CDH18: variants seen among roughly 807,000 people sequenced by gnomAD.
The protein encoded by CDH18 is cadherin 18.
In CDH18, 31 loss-of-function variants were observed where a neutral mutation model predicts 67.9. The observed-to-expected ratio is 0.46, with a 90% CI of 0.34 to 0.62. The LOEUF (loss-of-function observed/expected upper bound fraction) is 0.62, where lower values mean the gene tolerates loss of function less well. Ranked by LOEUF, CDH18 falls within the 20% of genes least tolerant of loss-of-function variation. CDH18 has a pLI of 0.01. For missense variants in CDH18, 890 were observed against 975.5 expected (o/e 0.91, Z 1.17); for synonymous variants, 362 against 347.2 (o/e 1.04, Z -0.48).
intron 1 of CDH18, among the ~76,000 whole-genome samples, chr5:20,408,214 A>G (rs1330513130): frequency 6.6e-6 from 1 of 152,096 alleles, no homozygotes; most frequent in Non-Finnish European, 1.5e-5. Flanking sequence ...AAAAAAGGTG[A>G]GGGAGATCAT....
intron 1 of CDH18, among the ~76,000 whole-genome samples, chr5:20,565,476 C>G (rs1462566291): frequency 6.6e-6 from 1 of 152,086 alleles, no homozygotes; most frequent in African/African-American, 2.4e-5. Flanking sequence ...TCTGGAATCT[C>G]TCCATCTTCA....
intron 11 of CDH18, among the ~76,000 whole-genome samples, chr5:19,499,268 C>T (rs557513435): frequency 6.6e-6 from 1 of 152,140 alleles, no homozygotes; most frequent in Non-Finnish European, 1.5e-5. Flanking sequence ...ACAGTCTTTG[C>T]TTTCTATCTG....
intron 1 of CDH18, among the ~76,000 whole-genome samples, chr5:20,301,451 T>C (rs1268668444): frequency 6.6e-6 from 1 of 152,196 alleles, no homozygotes; most frequent in Non-Finnish European, 1.5e-5. Flanking sequence ...TGTTACTGGT[T>C]GAGAACATAC....
chr5:20,536,238 G>T, intron 1 of CDH18, among the ~76,000 whole-genome samples: 1 of 151,998 alleles, frequency 6.6e-6, no homozygotes, highest in South Asian at 2.1e-4. Flanking sequence ...TTGTTAACGT[G>T]AATTTTTTAT....
chr5:19,734,000 G>A (rs1179056228), intron 4 of CDH18, among the ~76,000 whole-genome samples: 1 of 152,206 alleles, frequency 6.6e-6, no homozygotes, highest in African/African-American at 2.4e-5. Flanking sequence ...TAGGTGGGGT[G>A]TTCCCTGCTG....
intron 1 of CDH18, among the ~76,000 whole-genome samples, chr5:20,457,383 A>G (rs1439759369): frequency 2.0e-5 from 3 of 152,202 alleles, no homozygotes; most frequent in Non-Finnish European, 4.4e-5. Flanking sequence ...GTGCTTTCAG[A>G]CTTACATATC....
chr5:20,312,529 G>A (rs923708534), intron 1 of CDH18, among the ~76,000 whole-genome samples: 1 of 152,054 alleles, frequency 6.6e-6, no homozygotes, highest in Non-Finnish European at 1.5e-5. Flanking sequence ...TCCTACAGAC[G>A]CCATGCAGCA....
chr5:20,458,974 T>TA (rs886656791), intron 1 of CDH18, among the ~76,000 whole-genome samples: 19 of 152,206 alleles, frequency 1.2e-4, no homozygotes, highest in African/African-American at 4.3e-4. Flanking sequence ...AGATTTATTC[T>TA]AAAAAAACCA....
At chr5:20,567,436 C>G (rs189592385) in intron 1 of CDH18, among the ~76,000 whole-genome samples, 251 of 151,066 alleles carry the variant, frequency 1.7e-3, no homozygotes, top group Non-Finnish European at 2.3e-3. Context: ...GGAGAAGGGG[C>G]CCCATGGAGC....
intron 1 of CDH18, among the ~76,000 whole-genome samples, chr5:20,452,727 A>G (rs1750547442): frequency 6.6e-6 from 1 of 152,068 alleles, no homozygotes. Flanking sequence ...TTACCTATAT[A>G]ACAAACTTGC....
intron 2 of CDH18, among the ~76,000 whole-genome samples, chr5:20,137,638 C>A (rs1749851982): frequency 6.6e-6 from 1 of 152,108 alleles, no homozygotes; most frequent in Non-Finnish European, 1.5e-5. Flanking sequence ...TGGCAAGGAG[C>A]TGCATTCCTC....
chr5:19,637,607 G>A (rs1380446792), intron 5 of CDH18, among the ~76,000 whole-genome samples: 1 of 152,058 alleles, frequency 6.6e-6, no homozygotes, highest in Non-Finnish European at 1.5e-5. Context: ...AGTCAATTTC[G>A]CTCGAATCCT....
intron 1 of CDH18, among the ~76,000 whole-genome samples, chr5:20,438,236 T>TTATA (rs143210484): frequency 0.028 from 4,099 of 146,962 alleles, 201 homozygotes; most frequent in African/African-American, 0.087. Flanking sequence ...TGCCCCCAAA[T>TTATA]TATATATATA....
At chr5:20,545,049 G>A (rs922395731) in intron 1 of CDH18, among the ~76,000 whole-genome samples, 7 of 152,216 alleles carry the variant, frequency 4.6e-5, no homozygotes, top group African/African-American at 9.6e-5. Context: ...CAGAACCCAT[G>A]CAAGTATGAA....
In CDH18 at chr5:20,421,396, G is replaced by A. The variant is rs1047472859; in HGVS notation, c.-580+154066C>T. Among the ~76,000 whole-genome samples the A allele has an allele frequency of 1.3e-5, 2 of 150,576 alleles. 1 individual carries two copies. The highest frequency in any genetic ancestry group is 5.0e-5 in the African/African-American group (2 of 40,018). Reference sequence around the variant, plus strand: ...TTTTTTTATGCTCTTTCAGATGGAGGGAAGCCTGAGAAAAGGGAATGAGAT... The same window carrying A: ...TTTTTTTATGCTCTTTCAGATGGAGAGAAGCCTGAGAAAAGGGAATGAGAT... On this transcript the variant is annotated intron_variant, in intron 1 of 14. Transcript: ENST00000507958.
intron 1 of CDH18, among the ~76,000 whole-genome samples, chr5:20,360,375 T>C (rs1330707099): frequency 2.0e-5 from 3 of 152,130 alleles, no homozygotes; most frequent in Non-Finnish European, 4.4e-5. Context: ...CTGAACATGT[T>C]TGAAGATTTA....
At chr5:19,590,217 C>G (rs572222012) in intron 7 of CDH18, among the ~76,000 whole-genome samples, 41 of 151,968 alleles carry the variant, frequency 2.7e-4, no homozygotes, top group African/African-American at 9.4e-4. Flanking sequence ...ATCCCCTTGA[C>G]CTAGGTTTGA....
At chr5:19,736,365 G>T (rs1192745069) in intron 4 of CDH18, among the ~76,000 whole-genome samples, 1 of 152,036 alleles carries the variant, frequency 6.6e-6, no homozygotes, top group Non-Finnish European at 1.5e-5. Flanking sequence ...GCTAGCCTGG[G>T]GGACTGTCTC....
chr5:20,001,818 C>A (rs1359009018), intron 2 of CDH18, among the ~76,000 whole-genome samples: 1 of 152,092 alleles, frequency 6.6e-6, no homozygotes, highest in Non-Finnish European at 1.5e-5. Flanking sequence ...GTTTTAAATT[C>A]ATTGTTCTGC....
Sources: gnomAD v4.1 joint callset for allele counts (sites outside exome capture counted in the v4.1 genomes callset) on GRCh38, gnomAD v4.1.1 for gene constraint, MANE v1.5 for transcripts, NCBI Gene and HGNC (gene_info 2026-07-23, HGNC 2026-07-21) for gene names.